MMP26: variants seen among roughly 807,000 people sequenced by gnomAD.
MMP26 encodes the protein matrix metalloproteinase-26.
MMP26 carries 33 observed loss-of-function variants against 31.0 expected under a neutral mutation model. That is an observed-to-expected ratio of 1.06 (90% CI 0.81 to 1.42). The LOEUF (loss-of-function observed/expected upper bound fraction) is 1.42, where lower values mean the gene tolerates loss of function less well. MMP26 is among the 40% of genes most tolerant of loss of function. MMP26 has a pLI of 0.00. For missense variants in MMP26, 347 were observed against 316.1 expected (o/e 1.10, Z -0.74); for synonymous variants, 122 against 114.9 (o/e 1.06, Z -0.40).
chr11:4,908,378 C>A (rs765756303), intron 2 of MMP26: 4 of 1,265,496 alleles, frequency 3.2e-6, no homozygotes, highest in African/African-American at 2.9e-5. Flanking sequence ...GTGCTTAATG[C>A]CATAGAAGTC....
chr11:4,976,019 ATC>A (rs1034212172), intron 2 of MMP26, among the ~76,000 whole-genome samples: 5 of 152,042 alleles, frequency 3.3e-5, no homozygotes, highest in African/African-American at 9.7e-5. Context: ...GGGTATAAAA[ATC>A]TCTTTCTTTA....
chr11:4,897,373 C>T (rs1333424900), intron 2 of MMP26, among the ~76,000 whole-genome samples: 2 of 152,060 alleles, frequency 1.3e-5, no homozygotes, highest in Non-Finnish European at 2.9e-5. Context: ...CTCCTGACCT[C>T]GTGATTTGCC....
intron 2 of MMP26, chr11:4,847,850 A>T (rs1849895856): frequency 6.2e-6 from 1 of 161,122 alleles, no homozygotes; most frequent in Admixed American, 6.5e-5. Flanking sequence ...TATCTAGTTG[A>T]GAAGAATGCT....
intron 2 of MMP26, among the ~76,000 whole-genome samples, chr11:4,829,377 C>T (rs939548570): frequency 3.3e-5 from 5 of 152,150 alleles, no homozygotes; most frequent in African/African-American, 4.8e-5. Flanking sequence ...TCATCATTGT[C>T]GGCTATCTAA....
chr11:4,890,811 T>G (rs1389235553), intron 2 of MMP26, among the ~76,000 whole-genome samples: 1 of 151,966 alleles, frequency 6.6e-6, no homozygotes, highest in Non-Finnish European at 1.5e-5. Context: ...TATGGGTACT[T>G]GCATACATCC....
At chr11:4,717,622 T>C (rs1391816410) in intron 1 of MMP26, among the ~76,000 whole-genome samples, 2 of 151,756 alleles carry the variant, frequency 1.3e-5, no homozygotes, top group Admixed American at 1.3e-4. Context: ...TGTACACTTT[T>C]TTAACTTTAA....
At chr11:4,718,043 T>C (rs1847959083) in intron 1 of MMP26, among the ~76,000 whole-genome samples, 1 of 152,210 alleles carries the variant, frequency 6.6e-6, no homozygotes, top group Non-Finnish European at 1.5e-5. Flanking sequence ...GTTTAAATTT[T>C]AATATCACGA....
chr11:4,937,002 T>A (rs1024619199), intron 2 of MMP26, among the ~76,000 whole-genome samples: 15 of 152,324 alleles, frequency 9.8e-5, no homozygotes, highest in Middle Eastern at 3.4e-3. Flanking sequence ...ACTAGGCATT[T>A]TTTTGCTACG....
Position 4,723,448 on chromosome 11 carries a change from A to T in MMP26, c.-217+18403A>T. The T allele has an allele frequency of 2.9e-6, 3 of 1,037,810 alleles. 1 individual carries two copies. The highest frequency in any genetic ancestry group is 2.4e-5 in the East Asian group (1 of 42,194). The allele number at this position is 1,037,810 out of a possible 1,614,324, so 64.3% of individuals were successfully genotyped here. On this transcript the variant is annotated intron_variant, in intron 1 of 7. Coordinates refer to ENST00000380390, the MANE Select transcript of MMP26 (RefSeq NM_021801.5). ...CAGGGAGCGGCTGCTGTCCATGGAC[A>T]GCACCACAGATGTGTCCGAAATCTG...
chr11:4,803,125 T>A (rs1849206169), intron 2 of MMP26, among the ~76,000 whole-genome samples: 1 of 152,238 alleles, frequency 6.6e-6, no homozygotes, highest in African/African-American at 2.4e-5. Flanking sequence ...CTTTTTTACC[T>A]TAATCATCTG....
chr11:4,775,940 G>T (rs1848786247), intron 2 of MMP26, among the ~76,000 whole-genome samples: 1 of 151,974 alleles, frequency 6.6e-6, no homozygotes. Flanking sequence ...TATTATTCAT[G>T]CTCATTTCAC....
intron 1 of MMP26, chr11:4,723,997 C>T: frequency 1.4e-6 from 1 of 714,440 alleles, no homozygotes; most frequent in Non-Finnish European, 2.5e-6. Flanking sequence ...GCCTCCCATG[C>T]CGCTGGACCC....
intron 2 of MMP26, among the ~76,000 whole-genome samples, chr11:4,853,727 A>G (rs1202128233): frequency 6.6e-6 from 1 of 152,212 alleles, no homozygotes; most frequent in Non-Finnish European, 1.5e-5. Context: ...AGAAGAAATA[A>G]TAACTAATGC....
At chr11:4,969,906 T>C (rs534448289) in intron 2 of MMP26, among the ~76,000 whole-genome samples, 18 of 152,326 alleles carry the variant, frequency 1.2e-4, no homozygotes, top group Middle Eastern at 3.4e-3. Context: ...GTTTAGTTTT[T>C]TCCTAGGAAT....
At chr11:4,726,374 A>G (rs1221896581) in intron 1 of MMP26, among the ~76,000 whole-genome samples, 2 of 152,030 alleles carry the variant, frequency 1.3e-5, no homozygotes, top group Admixed American at 6.5e-5. Context: ...AGGCACGAGA[A>G]TCACTCGAAC....
intron 1 of MMP26, chr11:4,709,534 T>A: frequency 2.5e-6 from 1 of 402,940 alleles, no homozygotes; most frequent in Non-Finnish European, 4.9e-6. Flanking sequence ...AGGACATAGT[T>A]CTTTTCCTCA....
At chr11:4,900,867 T>C (rs1013551040) in intron 2 of MMP26, among the ~76,000 whole-genome samples, 1 of 152,156 alleles carries the variant, frequency 6.6e-6, no homozygotes, top group Non-Finnish European at 1.5e-5. Context: ...CCACCTCTTT[T>C]TTATACAAAG....
intron 1 of MMP26, among the ~76,000 whole-genome samples, chr11:4,764,871 C>G (rs1056921517): frequency 1.2e-4 from 17 of 145,596 alleles, no homozygotes; most frequent in African/African-American, 4.5e-4. Context: ...GAGCGAGACT[C>G]CATCACAGAC....
intron 2 of MMP26, among the ~76,000 whole-genome samples, chr11:4,881,276 A>G (rs1344542422): frequency 6.6e-6 from 1 of 152,104 alleles, no homozygotes; most frequent in Non-Finnish European, 1.5e-5. Flanking sequence ...TGCATTATCC[A>G]GTGTCATTTC....
Sources: gnomAD v4.1 joint callset for allele counts (sites outside exome capture counted in the v4.1 genomes callset) on GRCh38, gnomAD v4.1.1 for gene constraint, MANE v1.5 for transcripts, NCBI Gene and HGNC (gene_info 2026-07-23, HGNC 2026-07-21) for gene names.